Variants in SWAP70 observed in about 807,000 individuals in gnomAD.
SWAP70 encodes the protein switch-associated protein 70.
Under a neutral mutation model 80.2 loss-of-function variants are expected in SWAP70, and 34 were observed. The ratio of observed to expected loss-of-function variants is 0.42; its 90% CI spans 0.32 to 0.56. SWAP70 has a LOEUF of 0.56. Among genes scored for constraint, SWAP70 ranks in the 20% least tolerant of loss-of-function variants. SWAP70 has a pLI of 0.09. For missense variants in SWAP70, 578 were observed against 690.7 expected, an observed-to-expected ratio of 0.84 and a Z score of 1.83; for synonymous variants, 239 against 238.5, an observed-to-expected ratio of 1.00 and a Z score of -0.02.
chr11:9,673,034 A>T (rs1213589306), intron 1 of SWAP70, among the ~76,000 whole-genome samples: 1 of 152,176 alleles, frequency 6.6e-6, no homozygotes, highest in African/African-American at 2.4e-5. Flanking sequence ...CCAAGTAAGC[A>T]ATCAGTTCTG....
chr11:9,675,951 G>A (rs761220935), intron 1 of SWAP70, among the ~76,000 whole-genome samples: 3 of 152,178 alleles, frequency 2.0e-5, no homozygotes, highest in Non-Finnish European at 4.4e-5. Context: ...TGATTGTCAT[G>A]TTGATTTGGT....
chr11:9,718,078 T>A (rs1208688277), intron 3 of SWAP70, among the ~76,000 whole-genome samples: 3 of 152,254 alleles, frequency 2.0e-5, no homozygotes, highest in African/African-American at 7.2e-5. Context: ...CCAAGGCTCC[T>A]GGCATGTTTT....
At chr11:9,723,455 C>G (rs900394384) in intron 3 of SWAP70, among the ~76,000 whole-genome samples, 3 of 151,984 alleles carry the variant, frequency 2.0e-5, no homozygotes, top group African/African-American at 7.3e-5. Flanking sequence ...GGGCCATAAC[C>G]CACAGTTTTC....
intron 4 of SWAP70, among the ~76,000 whole-genome samples, chr11:9,725,888 T>TC (rs375161394): frequency 0.33 from 49,726 of 151,906 alleles, 8,366 homozygotes; most frequent in Non-Finnish European, 0.35. Flanking sequence ...AAATATTTTA[T>TC]TTTGGAAATT....
Position 9,717,093 on chromosome 11 carries a change from G to C in SWAP70, c.414+3454G>C, listed in dbSNP as rs139818047. Among the ~76,000 whole-genome samples, 565 of 152,276 alleles carry C rather than the reference G, an allele frequency of 3.7e-3. 1 individual carries two copies. Among genetic ancestry groups the C allele is most frequent in the Admixed American group, 5.9e-3 (90 of 15,292 alleles). On this transcript the variant is annotated intron_variant, in intron 3 of 11. Transcript: ENST00000318950. ...TGGATTTAACAATTAGGTGCTCGCT[G>C]GTGATCAAGGAGAAGGCAGTTTCGC...
chr11:9,710,763 T>G (rs925971302), intron 2 of SWAP70, among the ~76,000 whole-genome samples: 4 of 151,804 alleles, frequency 2.6e-5, no homozygotes, highest in African/African-American at 9.7e-5. Context: ...CACTGCAGCC[T>G]TGACCACCTG....
At chr11:9,693,251 C>T (rs1850717007) in intron 1 of SWAP70, among the ~76,000 whole-genome samples, 1 of 152,126 alleles carries the variant, frequency 6.6e-6, no homozygotes, top group Non-Finnish European at 1.5e-5. Context: ...TCAGAAAGCA[C>T]AAATGAAATG....
intron 1 of SWAP70, among the ~76,000 whole-genome samples, chr11:9,691,993 T>A (rs2134445520): frequency 6.6e-6 from 1 of 152,306 alleles, no homozygotes; most frequent in Non-Finnish European, 1.5e-5. Context: ...AGCCATAAGT[T>A]ACATTTTACT....
intron 3 of SWAP70, 59 bp from the exon 4 acceptor site, chr11:9,724,599 C>A: frequency 7.8e-7 from 1 of 1,286,728 alleles, no homozygotes; most frequent in Non-Finnish European, 1.1e-6. Flanking sequence ...AACATAAATA[C>A]ATAACTATGT....
chr11:9,708,237 G>C (rs1018181527), intron 2 of SWAP70, among the ~76,000 whole-genome samples: 4 of 152,136 alleles, frequency 2.6e-5, no homozygotes, highest in Admixed American at 2.6e-4. Flanking sequence ...CATAGCAGCT[G>C]CACCATTTTA....
rs571801696 is a variant in SWAP70 at position 9,674,593 on chromosome 11, A to G, written c.99+10315A>G. Among the ~76,000 whole-genome samples, 426 of 152,186 alleles carry G rather than the reference A, an allele frequency of 2.8e-3. 1 individual carries two copies. Among genetic ancestry groups the G allele is most frequent in the Admixed American group, 5.0e-3 (77 of 15,268 alleles). ...TGGGCACCTGTGGTCCCAGCTACTC[A>G]GGAGGAGGAGGTTTCAGTGAGCTGA... On this transcript the variant is annotated intron_variant, in intron 1 of 11. Transcript: ENST00000318950.
chr11:9,688,738 C>A (rs1027527449), intron 1 of SWAP70, among the ~76,000 whole-genome samples: 1 of 151,926 alleles, frequency 6.6e-6, no homozygotes, highest in African/African-American at 2.4e-5. Context: ...GCAATGTGAA[C>A]AATGACTTTG....
intron 1 of SWAP70, among the ~76,000 whole-genome samples, chr11:9,690,367 C>G (rs1421237973): frequency 2.0e-5 from 3 of 152,136 alleles, no homozygotes; most frequent in African/African-American, 7.2e-5. Flanking sequence ...CACTTGAGGT[C>G]AGGAGTTTGA....
intron 6 of SWAP70, among the ~76,000 whole-genome samples, chr11:9,730,396 A>G (rs1231582415): frequency 6.6e-6 from 1 of 151,916 alleles, no homozygotes. Flanking sequence ...AAATACTTCA[A>G]GATAATAGCC....
At chr11:9,743,962 T>TG (rs1851476320) in intron 9 of SWAP70, among the ~76,000 whole-genome samples, 1 of 112,258 alleles carries the variant, frequency 8.9e-6, no homozygotes, top group Non-Finnish European at 1.7e-5. Flanking sequence ...GTAGATCTTG[T>TG]AATTTTTTTT....
intron 1 of SWAP70, among the ~76,000 whole-genome samples, chr11:9,677,044 C>G (rs375129818): frequency 1.9e-4 from 29 of 151,534 alleles, no homozygotes; most frequent in African/African-American, 7.0e-4. Flanking sequence ...AACTGTATTT[C>G]TCTCTTTTTT....
At chr11:9,727,977 C>A (rs546199049) in intron 4 of SWAP70, 76 bp from the exon 5 acceptor site, 64 of 1,330,608 alleles carry the variant, frequency 4.8e-5, no homozygotes, top group Non-Finnish European at 5.7e-5. Flanking sequence ...ATGGAGTAGG[C>A]AAGTATATCA....
chr11:9,702,892 T>C (rs1850851102), intron 2 of SWAP70, among the ~76,000 whole-genome samples: 1 of 152,222 alleles, frequency 6.6e-6, no homozygotes, highest in African/African-American at 2.4e-5. Flanking sequence ...GTGAGTCATG[T>C]ACTGTAAAGA....
At position 9,671,963 on chromosome 11, in the gene SWAP70, T is replaced by G. The variant is rs1195837871; in HGVS notation, c.99+7685T>G. ...ATATATTTTATAATATATAATATAT[T>G]TTATATGTTATATATTTTTCTATAT... On this transcript the variant is annotated intron_variant, in intron 1 of 11. Transcript: ENST00000318950. Among the ~76,000 whole-genome samples, 3 of 112,944 alleles carry G rather than the reference T, an allele frequency of 2.7e-5. No homozygotes were observed. In the Admixed American group the frequency reaches 3.4e-4, roughly 13 times the overall value. 74.1% of individuals were successfully genotyped at this position (112,944 alleles called of 152,430 possible). A position where few individuals can be genotyped will look rare whatever the true frequency, so the allele number is the denominator to read the frequency against.
Sources: gnomAD v4.1 joint callset for allele counts (sites outside exome capture counted in the v4.1 genomes callset) on GRCh38, gnomAD v4.1.1 for gene constraint, MANE v1.5 for transcripts, NCBI Gene and HGNC (gene_info 2026-07-23, HGNC 2026-07-21) for gene names.